The following GABRG3 variants were observed in gnomAD, a reference collection of about 807,000 sequenced individuals.
GABRG3 encodes gamma-aminobutyric acid receptor subunit gamma-3.
A neutral mutation model predicts 48.8 loss-of-function variants in GABRG3; 25 were observed. That is an observed-to-expected ratio of 0.51 (90% CI 0.37 to 0.72). GABRG3 has a LOEUF of 0.72. GABRG3 is among the 30% of genes least tolerant of loss of function. The pLI is 0.00. For missense variants in GABRG3, 394 were observed against 577.9 expected, an observed-to-expected ratio of 0.68 and a Z score of 3.26; for synonymous variants, 227 against 217.6, an observed-to-expected ratio of 1.04 and a Z score of -0.38.
chr15:27,186,139 A>G (rs1335952288), intron 3 of GABRG3, among the ~76,000 whole-genome samples: 3 of 151,968 alleles, frequency 2.0e-5, no homozygotes, highest in Non-Finnish European at 2.9e-5. Context: ...TAGTGAGCAC[A>G]GTACCCAATA....
chr15:27,172,445 T>G (rs1887604357), intron 3 of GABRG3, among the ~76,000 whole-genome samples: 1 of 152,120 alleles, frequency 6.6e-6, no homozygotes, highest in Non-Finnish European at 1.5e-5. Flanking sequence ...CACCCTTTCT[T>G]TCTCCCTTGG....
chr15:26,996,652 T>A (rs1034020633), intron 2 of GABRG3, among the ~76,000 whole-genome samples: 3 of 138,510 alleles, frequency 2.2e-5, no homozygotes, highest in South Asian at 2.2e-4. Context: ...TTATTTATTT[T>A]ATTTTAATTT....
At chr15:27,322,774 G>A (rs1490839360) in intron 3 of GABRG3, among the ~76,000 whole-genome samples, 1 of 152,156 alleles carries the variant, frequency 6.6e-6, no homozygotes, top group Non-Finnish European at 1.5e-5. Flanking sequence ...AGACTCTGCT[G>A]CTGATGCCCC....
intron 3 of GABRG3, among the ~76,000 whole-genome samples, chr15:27,249,570 G>A (rs1333594745): frequency 6.6e-6 from 1 of 152,202 alleles, no homozygotes; most frequent in East Asian, 1.9e-4. Context: ...TGGATGCACT[G>A]TAGCTTTTCT....
At chr15:27,232,409 C>A (rs1170120950) in intron 3 of GABRG3, among the ~76,000 whole-genome samples, 5 of 152,174 alleles carry the variant, frequency 3.3e-5, no homozygotes, top group Non-Finnish European at 7.3e-5. Context: ...CAGCTGTCAT[C>A]TTACCCGGGC....
At chr15:27,004,415 C>A (rs1895540501) in intron 2 of GABRG3, among the ~76,000 whole-genome samples, 1 of 150,988 alleles carries the variant, frequency 6.6e-6, no homozygotes, top group Non-Finnish European at 1.5e-5. Flanking sequence ...GCGCTCCTCA[C>A]TTCCTAGATG....
chr15:27,065,553 G>A (rs1896723690), intron 3 of GABRG3, among the ~76,000 whole-genome samples: 1 of 152,156 alleles, frequency 6.6e-6, no homozygotes, highest in African/African-American at 2.4e-5. Flanking sequence ...ATATCCCCTG[G>A]GTTTGGACCA....
At chr15:27,478,331 A>G (rs1046054260) in intron 5 of GABRG3, among the ~76,000 whole-genome samples, 1 of 152,246 alleles carries the variant, frequency 6.6e-6, no homozygotes, top group Admixed American at 6.5e-5. Context: ...ACCCAATTAA[A>G]AAATCAGCAA....
chr15:27,342,426 C>A (rs559685325), intron 5 of GABRG3, among the ~76,000 whole-genome samples: 23 of 152,300 alleles, frequency 1.5e-4, no homozygotes, highest in African/African-American at 5.5e-4. Context: ...TAGCACATCA[C>A]CCCTCCACAG....
At chr15:27,412,825 ACTTCC>A (rs1887837931) in intron 5 of GABRG3, among the ~76,000 whole-genome samples, 1 of 152,138 alleles carries the variant, frequency 6.6e-6, no homozygotes, top group South Asian at 2.1e-4. Context: ...AAATATTATG[ACTTCC>A]CTTAAGGAAA....
intron 3 of GABRG3, chr15:27,207,975 A>G (rs570784468): frequency 6.6e-6 from 1 of 152,508 alleles, no homozygotes; most frequent in East Asian, 1.9e-4. Context: ...TTGTTGAGAC[A>G]GACTTGAGGG....
chr15:27,514,785 C>T (rs1890979472), intron 6 of GABRG3, among the ~76,000 whole-genome samples: 2 of 152,160 alleles, frequency 1.3e-5, no homozygotes, highest in South Asian at 4.1e-4. Context: ...AATGCACACA[C>T]AGATTCATAC....
At position 27,374,305 on chromosome 15, in the gene GABRG3, G is replaced by C. The variant is rs543003702; in HGVS notation, c.574+45417G>C. Among the ~76,000 whole-genome samples the C allele has an allele frequency of 2.9e-3, 438 of 151,708 alleles. 2 individuals carry two copies. Among genetic ancestry groups the C allele is most frequent in the African/African-American group, 0.01 (428 of 41,392 alleles). ...GCACCACCATGCCTGGCTAATTTTT[G>C]TATTTTTTGTAGCAACTGTTTCACA... On this transcript the variant is annotated intron_variant, in intron 5 of 9. Transcript: ENST00000615808.
At chr15:26,972,861 C>T (rs1395621783) in intron 1 of GABRG3, among the ~76,000 whole-genome samples, 11 of 152,170 alleles carry the variant, frequency 7.2e-5, no homozygotes, top group Admixed American at 7.2e-4. Flanking sequence ...AGTGTGGAAG[C>T]CGACTCCACC....
intron 3 of GABRG3, among the ~76,000 whole-genome samples, chr15:27,306,446 G>T (rs903930997): frequency 7.3e-6 from 1 of 136,422 alleles, no homozygotes; most frequent in Admixed American, 7.7e-5. Flanking sequence ...ACGAACATAT[G>T]TCTACATATA....
rs150018287 is a variant in GABRG3 at position 27,357,688 on chromosome 15, G to A, written c.574+28800G>A. Reference sequence around the variant, plus strand: ...ACAGATGATTTTCATATCTGCTTCCGCATTCAATCTGTTGCAACATGTAAT... The same window carrying A: ...ACAGATGATTTTCATATCTGCTTCCACATTCAATCTGTTGCAACATGTAAT... On this transcript the variant is annotated intron_variant, in intron 5 of 9. Coordinates refer to ENST00000615808, the MANE Select transcript of GABRG3 (RefSeq NM_033223.5). 3.7e-4 allele frequency among the ~76,000 whole-genome samples: 56 copies of A among 152,244 alleles called. No homozygotes were observed. In the East Asian group the frequency reaches 5.6e-3, roughly 15 times the overall value.
intron 3 of GABRG3, among the ~76,000 whole-genome samples, chr15:27,284,858 G>T (rs1194373243): frequency 6.6e-6 from 1 of 152,210 alleles, no homozygotes; most frequent in Non-Finnish European, 1.5e-5. Flanking sequence ...GCTCAAGAGA[G>T]AAATCAACCT....
At chr15:27,085,562 A>T (rs183819542) in intron 3 of GABRG3, among the ~76,000 whole-genome samples, 29 of 152,334 alleles carry the variant, frequency 1.9e-4, no homozygotes, top group Admixed American at 1.7e-3. Flanking sequence ...ATTGTCTCAA[A>T]TTACTCCCAT....
intron 3 of GABRG3, among the ~76,000 whole-genome samples, chr15:27,293,079 C>A (rs960260741): frequency 1.3e-5 from 2 of 152,118 alleles, no homozygotes; most frequent in Non-Finnish European, 2.9e-5. Flanking sequence ...ACTTGCATGC[C>A]TGACACCTTT....
Sources: allele counts gnomAD v4.1 joint callset (sites outside exome capture counted in the v4.1 genomes callset), GRCh38; gene constraint gnomAD v4.1.1; transcripts MANE v1.5; gene names NCBI Gene and HGNC (gene_info 2026-07-23, HGNC 2026-07-21).